COL24A1: variants seen among roughly 807,000 people sequenced by gnomAD.
COL24A1 encodes collagen type XXIV alpha 1 chain.
A neutral mutation model predicts 253.9 loss-of-function variants in COL24A1; 224 were observed. The observed-to-expected ratio is 0.88, with a 90% confidence interval of 0.79 to 0.99. The LOEUF (loss-of-function observed/expected upper bound fraction) is 0.99. Among genes scored for constraint, COL24A1 ranks in the 50% least tolerant of loss-of-function variants. COL24A1 has a pLI of 0.00. For missense variants in COL24A1, 2,131 were observed against 2,068.5 expected, an observed-to-expected ratio of 1.03 and a Z score of -0.59; for synonymous variants, 685 against 673.7, an observed-to-expected ratio of 1.02 and a Z score of -0.26.
intron 11 of COL24A1, among the ~76,000 whole-genome samples, chr1:86,048,592 G>A (rs964659525): frequency 1.3e-5 from 2 of 151,730 alleles, no homozygotes; most frequent in Admixed American, 6.6e-5. Context: ...CCAGGCTCAT[G>A]CCATTCTCCT....
chr1:85,823,862 T>C (rs1673921199), intron 43 of COL24A1, 124 bp from the exon 44 acceptor site: 1 of 809,382 alleles, frequency 1.2e-6, no homozygotes, highest in Non-Finnish European at 2.0e-6. Context: ...GTAGAGATTA[T>C]GATTCTTCTT....
At chr1:86,138,340 A>G (rs1283772044) in intron 2 of COL24A1, among the ~76,000 whole-genome samples, 25 of 152,132 alleles carry the variant, frequency 1.6e-4, no homozygotes, top group Admixed American at 1.6e-3. Flanking sequence ...ACTTGAAGCT[A>G]GTGTCAGAAG....
chr1:86,008,462 G>A (rs1028676249), intron 19 of COL24A1, among the ~76,000 whole-genome samples: 1 of 151,968 alleles, frequency 6.6e-6, no homozygotes, highest in Non-Finnish European at 1.5e-5. Flanking sequence ...GCCCAGGCCA[G>A]TATTGAACTC....
At chr1:85,781,549 C>T (rs1669149129) in intron 51 of COL24A1, among the ~76,000 whole-genome samples, 1 of 151,952 alleles carries the variant, frequency 6.6e-6, no homozygotes, top group Admixed American at 6.6e-5. Context: ...GTGATAACTT[C>T]AAAGATGCAT....
At chr1:86,028,993 CAG>C (rs934508056) in intron 14 of COL24A1, among the ~76,000 whole-genome samples, 1 of 152,114 alleles carries the variant, frequency 6.6e-6, no homozygotes, top group Non-Finnish European at 1.5e-5. Context: ...TTAATCTTGA[CAG>C]TAACAACAGA....
At position 85,945,019 on chromosome 1, in the gene COL24A1, T is replaced by TTTTTG. The variant is rs1558752735; in HGVS notation, c.2562+16229_2562+16230insCAAAA. 1.1e-4 allele frequency among the ~76,000 whole-genome samples: 8 copies of TTTTTG among 73,390 alleles called. 1 individual carries two copies. The highest frequency in any genetic ancestry group is 8.1e-3 in the Middle Eastern group (1 of 124). 48.1% of individuals were successfully genotyped at this position (73,390 alleles called of 152,430 possible). A position where few individuals can be genotyped will look rare whatever the true frequency, so the allele number is the denominator to read the frequency against. ...ATCATTGTGTTTTTTTTTTTTTTTT[T>TTTTTG]TTTTTTTTTTTTTTTTGAGACAGAG... is the stretch of plus-strand genomic sequence containing the variant. On this transcript the variant is annotated intron_variant, in intron 24 of 59. Transcript: ENST00000370571.
chr1:85,858,933 T>C (rs1189078805), intron 37 of COL24A1, among the ~76,000 whole-genome samples: 3 of 151,874 alleles, frequency 2.0e-5, no homozygotes, highest in African/African-American at 7.3e-5. Context: ...CGATGGGGGT[T>C]CTTTATGTTG....
intron 24 of COL24A1, among the ~76,000 whole-genome samples, chr1:85,922,376 C>A: frequency 6.6e-6 from 1 of 152,078 alleles, no homozygotes; most frequent in Non-Finnish European, 1.5e-5. Flanking sequence ...TCAGATTCAC[C>A]AAGGTTGAAA....
intron 2 of COL24A1, among the ~76,000 whole-genome samples, chr1:86,138,109 G>C (rs752341075): frequency 2.0e-5 from 3 of 152,078 alleles, no homozygotes; most frequent in Non-Finnish European, 4.4e-5. Flanking sequence ...TGTACTTACT[G>C]TTCTTTCTTG....
chr1:85,808,864 T>G (rs1019258883), intron 47 of COL24A1, among the ~76,000 whole-genome samples: 1 of 152,180 alleles, frequency 6.6e-6, no homozygotes, highest in Non-Finnish European at 1.5e-5. Context: ...TCAGTCTCCC[T>G]GAAGGCTTAA....
At chr1:85,960,257 CAATT>C (rs1690892803) in intron 24 of COL24A1, among the ~76,000 whole-genome samples, 1 of 152,072 alleles carries the variant, frequency 6.6e-6, no homozygotes, top group Non-Finnish European at 1.5e-5. Context: ...TATTTTGTGA[CAATT>C]AATTTAGCAC....
intron 47 of COL24A1, among the ~76,000 whole-genome samples, chr1:85,809,954 C>T (rs1672364962): frequency 6.6e-6 from 1 of 151,892 alleles, no homozygotes; most frequent in Middle Eastern, 3.4e-3. Context: ...TAAACAATAA[C>T]TCTCCATTAT....
intron 5 of COL24A1, among the ~76,000 whole-genome samples, chr1:86,107,452 G>A (rs1030730169): frequency 1.3e-5 from 2 of 151,944 alleles, no homozygotes; most frequent in African/African-American, 4.8e-5. Context: ...TAAGAAAATC[G>A]GTTTCACAAA....
At chr1:86,117,753 A>T (rs1706289871) in intron 3 of COL24A1, among the ~76,000 whole-genome samples, 1 of 152,198 alleles carries the variant, frequency 6.6e-6, no homozygotes, top group Non-Finnish European at 1.5e-5. Flanking sequence ...TTCTATAAAT[A>T]AGGTTAAGTA....
At chr1:86,023,033 A>G in intron 14 of COL24A1, 26 bp from the exon 15 acceptor site, 2 of 1,601,102 alleles carry the variant, frequency 1.2e-6, no homozygotes, top group Non-Finnish European at 1.7e-6. Flanking sequence ...AAAGAAATGC[A>G]TCATTAAGCA....
Position 86,036,070 on chromosome 1 carries a change from G to A in COL24A1, c.1951-2147C>T, listed in dbSNP as rs113218182. Among the ~76,000 whole-genome samples, 599 of 152,152 alleles carry A rather than the reference G, an allele frequency of 3.9e-3. 4 individuals carry two copies. The highest frequency in any genetic ancestry group is 6.2e-3 in the Non-Finnish European group (424 of 67,992). The stretch of plus-strand genomic sequence containing the variant: ...TTCTTCCAGTAGTTCACAAACATGT[G>A]TATTGGTTGTTCACCTTGACTTTGC... On this transcript the variant is annotated intron_variant, in intron 12 of 59. Transcript: ENST00000370571.
chr1:85,921,027 C>G (rs2103005151), intron 24 of COL24A1, among the ~76,000 whole-genome samples: 1 of 152,272 alleles, frequency 6.6e-6, no homozygotes, highest in East Asian at 1.9e-4. Context: ...ATCTGCAGCT[C>G]TCAGCATGAT....
intron 7 of COL24A1, among the ~76,000 whole-genome samples, chr1:86,074,716 T>G (rs1282248454): frequency 2.0e-5 from 3 of 152,124 alleles, no homozygotes; most frequent in Non-Finnish European, 2.9e-5. Context: ...AGTAAAACAC[T>G]CCTCAGCAAA....
chr1:86,106,638 C>T lies in COL24A1; in HGVS notation c.1599+5929G>A, dbSNP rs1183938430. On this transcript the variant is annotated intron_variant, in intron 5 of 59. Coordinates refer to ENST00000370571, the MANE Select transcript of COL24A1 (RefSeq NM_152890.7). ...AGCAATGAACATTCCCATCGCGCTGCAAATAAATAGAATACAGTTCATTTA... is the reference window on the plus strand; with the variant it reads ...AGCAATGAACATTCCCATCGCGCTGTAAATAAATAGAATACAGTTCATTTA... Among the ~76,000 whole-genome samples the T allele has an allele frequency of 2.6e-5, 4 of 151,892 alleles. No homozygotes were observed. The East Asian group carries it at 7.7e-4, about 29-fold the overall frequency.
Sources: allele counts gnomAD v4.1 joint callset (sites outside exome capture counted in the v4.1 genomes callset), GRCh38; gene constraint gnomAD v4.1.1; transcripts MANE v1.5; gene names NCBI Gene and HGNC (gene_info 2026-07-23, HGNC 2026-07-21).